Variants in NOS1AP observed in about 807,000 individuals in gnomAD.
The protein encoded by NOS1AP is nitric oxide synthase 1 adaptor protein.
Under a neutral mutation model 56.2 loss-of-function variants are expected in NOS1AP, and 21 were observed. The observed-to-expected ratio is 0.37, with a 90% CI of 0.26 to 0.54. The LOEUF (loss-of-function observed/expected upper bound fraction) is 0.54. NOS1AP is among the 20% of genes least tolerant of loss of function. The probability of loss-of-function intolerance (pLI) is 0.84; values close to 1 mark genes in which losing one functional copy is unlikely to be tolerated. For missense variants in NOS1AP, 522 were observed against 657.8 expected (o/e 0.79, Z 2.26); for synonymous variants, 270 against 274.6 (o/e 0.98, Z 0.17).
chr1:162,076,969 T>G lies in NOS1AP; in HGVS notation c.105+6687T>G, dbSNP rs530873552. Among the ~76,000 whole-genome samples the G allele has an allele frequency of 2.4e-4, 36 of 152,344 alleles. No homozygotes were observed. In the South Asian group the frequency reaches 6.8e-3, roughly 29 times the overall value. Reference sequence around the variant, plus strand: ...TATATCATTGTATGGATATACCACATTTGGTTTGTTCATTCATCAGCTGAG... The same window carrying G: ...TATATCATTGTATGGATATACCACAGTTGGTTTGTTCATTCATCAGCTGAG... On this transcript the variant is annotated intron_variant, in intron 1 of 9. Transcript: ENST00000361897.
intron 7 of NOS1AP, among the ~76,000 whole-genome samples, chr1:162,356,449 A>C (rs1328110967): frequency 1.3e-5 from 2 of 152,186 alleles, no homozygotes; most frequent in African/African-American, 4.8e-5. Flanking sequence ...TAGCCCCCTC[A>C]CATGGCCCCT....
chr1:162,110,499 C>T (rs2102039982), intron 1 of NOS1AP, among the ~76,000 whole-genome samples: 1 of 152,300 alleles, frequency 6.6e-6, no homozygotes, highest in East Asian at 1.9e-4. Flanking sequence ...AATGGCTTGT[C>T]AAGTCTAAGA....
chr1:162,100,729 G>A (rs1312774349), intron 1 of NOS1AP, among the ~76,000 whole-genome samples: 1 of 152,020 alleles, frequency 6.6e-6, no homozygotes, highest in African/African-American at 2.4e-5. Context: ...CTGCATGTAT[G>A]TTTTCTTTTG....
chr1:162,112,412 T>C (rs1180769244), intron 1 of NOS1AP, among the ~76,000 whole-genome samples: 20 of 152,244 alleles, frequency 1.3e-4, no homozygotes, highest in Admixed American at 7.2e-4. Flanking sequence ...GATTCCTTTG[T>C]TACTGGGCTT....
chr1:162,166,107 G>A (rs941338181), intron 2 of NOS1AP, among the ~76,000 whole-genome samples: 1 of 151,974 alleles, frequency 6.6e-6, no homozygotes, highest in Non-Finnish European at 1.5e-5. Flanking sequence ...TTTTTCAATC[G>A]TGTCTCTCCC....
chr1:162,366,575 G>T (rs1319076686), intron 9 of NOS1AP, among the ~76,000 whole-genome samples: 1 of 152,124 alleles, frequency 6.6e-6, no homozygotes, highest in African/African-American at 2.4e-5. Context: ...TGGTCTGGGA[G>T]CCTGTATTTT....
chr1:162,084,739 C>G (rs375914956), intron 1 of NOS1AP, among the ~76,000 whole-genome samples: 32 of 152,054 alleles, frequency 2.1e-4, no homozygotes, highest in Admixed American at 1.9e-3. Context: ...AGTGCAGTGG[C>G]ATGATCATGG....
chr1:162,261,813 A>T (rs138653075), intron 2 of NOS1AP, among the ~76,000 whole-genome samples: 4 of 152,338 alleles, frequency 2.6e-5, no homozygotes, highest in African/African-American at 7.2e-5. Context: ...TGCGATGGAC[A>T]TAGTTCATTT....
At chr1:162,206,719 G>A (rs1017747938) in intron 2 of NOS1AP, among the ~76,000 whole-genome samples, 1 of 152,216 alleles carries the variant, frequency 6.6e-6, no homozygotes, top group Non-Finnish European at 1.5e-5. Context: ...TTGCAAAGGG[G>A]CCATGCAGTG....
chr1:162,356,696 T>C (rs1309102930), intron 7 of NOS1AP, among the ~76,000 whole-genome samples: 1 of 152,174 alleles, frequency 6.6e-6, no homozygotes, highest in Non-Finnish European at 1.5e-5. Flanking sequence ...TGGAGCAGTA[T>C]CAGCCATCAG....
At chr1:162,153,639 A>C (rs1441473873) in intron 1 of NOS1AP, among the ~76,000 whole-genome samples, 1 of 152,218 alleles carries the variant, frequency 6.6e-6, no homozygotes, top group African/African-American at 2.4e-5. Flanking sequence ...TAAAGTCAAA[A>C]AACCAAGTTG....
rs371461216 is a variant in NOS1AP at position 162,275,130 on chromosome 1, G to T, written c.178-12214G>T. 5.9e-5 allele frequency among the ~76,000 whole-genome samples: 9 copies of T among 152,220 alleles called. No individual in the cohort carries two copies. In the South Asian group the frequency reaches 1.7e-3, roughly 28 times the overall value. On this transcript the variant is annotated intron_variant, in intron 2 of 9. Coordinates refer to ENST00000361897, the MANE Select transcript of NOS1AP (RefSeq NM_014697.3). ...CATGCTTTTGGTATCATATGTAGAA[G>T]TTCTATATAAACCCAGGTCACAAAG...
chr1:162,084,273 A>T (rs950134959), intron 1 of NOS1AP, among the ~76,000 whole-genome samples: 1 of 152,162 alleles, frequency 6.6e-6, no homozygotes. Context: ...ATATTATGTT[A>T]TGAGCTTTGG....
chr1:162,235,750 G>A (rs986353974), intron 2 of NOS1AP, among the ~76,000 whole-genome samples: 2 of 152,226 alleles, frequency 1.3e-5, no homozygotes, highest in African/African-American at 4.8e-5. Context: ...CTGGCATTCC[G>A]TCTCTTGGTC....
chr1:162,155,452 T>G (rs368510411), intron 2 of NOS1AP, among the ~76,000 whole-genome samples: 9,758 of 147,332 alleles, frequency 0.066, 382 homozygotes, highest in Non-Finnish European at 0.086. Flanking sequence ...TATATATATA[T>G]ATATAGAGAG....
intron 1 of NOS1AP, among the ~76,000 whole-genome samples, chr1:162,071,669 C>T (rs978031220): frequency 2.0e-5 from 3 of 152,184 alleles, no homozygotes; most frequent in African/African-American, 7.2e-5. Flanking sequence ...TTAGTTCTCT[C>T]ATCTCTCAGA....
At chr1:162,101,173 G>T (rs867861978) in intron 1 of NOS1AP, among the ~76,000 whole-genome samples, 9 of 152,250 alleles carry the variant, frequency 5.9e-5, no homozygotes, top group Admixed American at 2.6e-4. Context: ...AGTTCAACCA[G>T]CACCATTTAT....
intron 7 of NOS1AP, among the ~76,000 whole-genome samples, chr1:162,356,155 A>G (rs545435554): frequency 1.3e-5 from 2 of 152,288 alleles, no homozygotes; most frequent in East Asian, 3.9e-4. Context: ...TTTATCCTCT[A>G]CAAGTGGAAA....
intron 5 of NOS1AP, 144 bp downstream of exon 5, chr1:162,333,269 T>A (rs971239473): frequency 1.7e-5 from 12 of 696,490 alleles, no homozygotes; most frequent in Non-Finnish European, 3.1e-5. Context: ...TGCTCCTATA[T>A]AATGGAATTC....
Sources: gnomAD v4.1 joint callset for allele counts (sites outside exome capture counted in the v4.1 genomes callset) on GRCh38, gnomAD v4.1.1 for gene constraint, MANE v1.5 for transcripts, NCBI Gene and HGNC (gene_info 2026-07-23, HGNC 2026-07-21) for gene names.